SPAST: variants seen among roughly 807,000 people sequenced by gnomAD.
SPAST encodes spastin, also known as spastic paraplegia 4 (autosomal dominant; spastin).
SPAST carries 30 observed loss-of-function variants against 76.6 expected under a neutral mutation model. The ratio of observed to expected loss-of-function variants is 0.39; its 90% confidence interval spans 0.29 to 0.53. SPAST has a LOEUF of 0.53. Among genes scored for constraint, SPAST ranks in the 20% least tolerant of loss-of-function variants. SPAST has a pLI of 0.68. For synonymous variants in SPAST, 305 were observed against 281.0 expected (o/e 1.09, Z -0.86); for missense variants, 717 against 770.5 (o/e 0.93, Z 0.82).
chr2:32,143,852 AGTGAGACCCT>A (rs1189530869), intron 14 of SPAST, among the ~76,000 whole-genome samples: 6 of 152,132 alleles, frequency 3.9e-5, no homozygotes, highest in African/African-American at 1.4e-4. Context: ...TGAGCAACAG[AGTGAGACCCT>A]GTCTCAAAAA....
intron 15 of SPAST, among the ~76,000 whole-genome samples, chr2:32,145,766 TCA>T (rs1268821453): frequency 6.6e-6 from 1 of 152,230 alleles, no homozygotes; most frequent in Non-Finnish European, 1.5e-5. Context: ...TAGGATAAAC[TCA>T]CACAGATATT....
intron 4 of SPAST, among the ~76,000 whole-genome samples, chr2:32,107,965 G>T (rs188776511): frequency 6.6e-6 from 1 of 152,136 alleles, no homozygotes; most frequent in African/African-American, 2.4e-5. Context: ...TTACTACAAT[G>T]TGTTATCTAT....
At chr2:32,146,755 C>T (rs1310906593) in intron 15 of SPAST, among the ~76,000 whole-genome samples, 4 of 148,260 alleles carry the variant, frequency 2.7e-5, no homozygotes. Context: ...ATCCCAGCTA[C>T]TCAGGAGGCT....
chr2:32,115,914 T>G, intron 6 of SPAST, 79 bp downstream of exon 6: 1 of 1,179,088 alleles, frequency 8.5e-7, no homozygotes, highest in Non-Finnish European at 1.2e-6. Context: ...AGGAGTGAAA[T>G]AGATAATAAA....
chr2:32,075,145 G>A (rs576076259), intron 1 of SPAST, among the ~76,000 whole-genome samples: 7 of 152,074 alleles, frequency 4.6e-5, no homozygotes, highest in Middle Eastern at 3.4e-3. Flanking sequence ...GATATAGGCC[G>A]GGCGTGGTGG....
At chr2:32,128,757 A>C (rs1679279011) in intron 9 of SPAST, 1 of 425,208 alleles carries the variant, frequency 2.4e-6, no homozygotes, top group Non-Finnish European at 4.3e-6. Context: ...GGAAGGTAGA[A>C]GTCTAAGATC....
intron 7 of SPAST, among the ~76,000 whole-genome samples, chr2:32,120,465 A>T (rs1403561407): frequency 2.7e-5 from 4 of 147,952 alleles, no homozygotes; most frequent in Non-Finnish European, 6.0e-5. Flanking sequence ...TAATTGTGTT[A>T]TTTTTTCATT....
chr2:32,113,541 A>T (rs1249380919), intron 4 of SPAST, among the ~76,000 whole-genome samples: 1 of 140,754 alleles, frequency 7.1e-6, no homozygotes, highest in Non-Finnish European at 1.5e-5. Flanking sequence ...CTTATTTGAG[A>T]GCTTTATTTG....
rs934248183 is a variant in SPAST, at chr2:32,154,370, C to A, written c.1729-4C>A. ...GTATTGTCATGTGCTTTTTAAAAAT[C>A]TAGATGAGAAATATTCGATTATCTG... is the stretch of plus-strand genomic sequence containing the variant. On this transcript the variant is annotated splice_polypyrimidine_tract_variant and splice_region_variant and intron_variant, in intron 16 of 16. Coordinates refer to ENST00000315285, the MANE Select transcript of SPAST (RefSeq NM_014946.4). 6.2e-7 allele frequency: 1 copy of A among 1,611,876 alleles called. No homozygotes were observed. Among genetic ancestry groups the A allele is most frequent in the South Asian group, 1.1e-5 (1 of 91,022 alleles).
chr2:32,144,763 C>T (rs1039052965), intron 14 of SPAST, among the ~76,000 whole-genome samples, 174 bp from the exon 15 acceptor site: 12 of 152,100 alleles, frequency 7.9e-5, no homozygotes, highest in Non-Finnish European at 1.3e-4. Context: ...GTGGCGCATG[C>T]CTATAATCCC....
At position 32,128,327 on chromosome 2, in the gene SPAST, G is replaced by A; in HGVS notation, c.1174-81G>A. On this transcript the variant is annotated intron_variant, in intron 8 of 16. Coordinates refer to ENST00000315285, the MANE Select transcript of SPAST (RefSeq NM_014946.4). ...TTACATTTTTAGAGAATCTTTTCTA[G>A]TACTTAAATCGGTAAATATGGTTAT... is the stretch of plus-strand genomic sequence containing the variant. The A allele has an allele frequency of 3.9e-6, 4 of 1,026,186 alleles. No homozygotes were observed. In the South Asian group the frequency reaches 5.3e-5, roughly 14 times the overall value. 63.6% of individuals were successfully genotyped at this position (1,026,186 alleles called of 1,614,324 possible). A position where few individuals can be genotyped will look rare whatever the true frequency, so the allele number is the denominator to read the frequency against.
At chr2:32,125,455 T>G (rs866173080) in intron 7 of SPAST, among the ~76,000 whole-genome samples, 20 of 152,232 alleles carry the variant, frequency 1.3e-4, no homozygotes, top group South Asian at 4.1e-4. Flanking sequence ...ACTCCTGATC[T>G]CAGGGGATCT....
chr2:32,151,695 A>C (rs1346289497), intron 16 of SPAST, among the ~76,000 whole-genome samples: 1 of 152,212 alleles, frequency 6.6e-6, no homozygotes, highest in Non-Finnish European at 1.5e-5. Flanking sequence ...GGATCACCTG[A>C]GGTCTTGAGT....
intron 1 of SPAST, among the ~76,000 whole-genome samples, chr2:32,076,511 C>T (rs2148698741): frequency 6.6e-6 from 1 of 152,208 alleles, no homozygotes; most frequent in South Asian, 2.1e-4. Flanking sequence ...CATGAGCCAT[C>T]ACACTGGGTC....
At chr2:32,091,248 TTA>T in intron 3 of SPAST, among the ~76,000 whole-genome samples, 2 of 1,560 alleles carry the variant, frequency 1.3e-3, no homozygotes, top group African/African-American at 0.015. Context: ...TATGAAGCTA[TTA>T]TTATTATTAT....
At chr2:32,123,749 G>A (rs913432668) in intron 7 of SPAST, among the ~76,000 whole-genome samples, 2 of 152,130 alleles carry the variant, frequency 1.3e-5, no homozygotes, top group South Asian at 4.1e-4. Context: ...CTTTGGCAAA[G>A]GGACAAAGAC....
chr2:32,131,016 G>A (rs1679353706), intron 9 of SPAST, among the ~76,000 whole-genome samples: 1 of 152,228 alleles, frequency 6.6e-6, no homozygotes, highest in Non-Finnish European at 1.5e-5. Flanking sequence ...AACTTGACAT[G>A]TTGACCATAG....
chr2:32,143,251 C>A (rs1679780213), intron 13 of SPAST, 85 bp from the exon 14 acceptor site: 1 of 823,988 alleles, frequency 1.2e-6, no homozygotes, highest in Non-Finnish European at 2.0e-6. Flanking sequence ...TGGGTAACAG[C>A]ACAAGACCCT....
rs547097584 is a variant in SPAST, at chr2:32,090,963, A to T, written c.586+1358A>T. Among the ~76,000 whole-genome samples, 3 of 152,178 alleles carry T rather than the reference A, an allele frequency of 2.0e-5. No homozygotes were observed. The East Asian group carries it at 5.8e-4, about 29-fold the overall frequency. ...TTAACTATGACTGATGTCCAGTGAT[A>T]CTTTAATTCTGTCATTCTTTCAGCA... On this transcript the variant is annotated intron_variant, in intron 3 of 16. Coordinates refer to ENST00000315285, the MANE Select transcript of SPAST (RefSeq NM_014946.4).
Sources: allele counts gnomAD v4.1 joint callset (sites outside exome capture counted in the v4.1 genomes callset), GRCh38; gene constraint gnomAD v4.1.1; transcripts MANE v1.5; gene names NCBI Gene and HGNC (gene_info 2026-07-23, HGNC 2026-07-21).